The following NXF1 variants were observed in gnomAD, a reference collection of about 807,000 sequenced individuals.
The protein encoded by NXF1 is mRNA export factor TAP.
A neutral mutation model predicts 92.4 loss-of-function variants in NXF1; 43 were observed. The observed-to-expected ratio is 0.47, with a 90% CI of 0.36 to 0.60. The LOEUF is 0.60. NXF1 is among the 20% of genes least tolerant of loss of function. The pLI is 0.00. For synonymous variants in NXF1, 288 were observed against 292.2 expected, an observed-to-expected ratio of 0.99 and a Z score of 0.15; for missense variants, 576 against 793.0, an observed-to-expected ratio of 0.73 and a Z score of 3.29.
chr11:62,795,003 G>C lies in NXF1; in HGVS notation c.1509C>G (p.Asp503Glu), dbSNP rs147145490. ...CTCGCAAAGAATCCCGGGACTTTCC[G>C]TCCACTGCAATAAGAACAGCAACAA... is the stretch of plus-strand genomic sequence containing the variant. ...FSVNGVFKEV[D>E]GKSRDSLRAF... Residue 503 changes from aspartate (D) to glutamate (E), a missense_variant, in exon 18 of 21, where the codon GAC becomes GAG. By Grantham distance (45) the Asp-to-Glu change is conservative. Around this residue, in one of 2 missense-constraint regions of NXF1, gnomAD observed 425 missense variants for 635.2 expected, o/e 0.67. Transcript: ENST00000294172. 6.2e-7 allele frequency: 1 copy of C among 1,613,936 alleles called. No individual in the cohort carries two copies. Among genetic ancestry groups the C allele is most frequent in the Admixed American group, 1.7e-5 (1 of 60,006 alleles).
At position 62,801,830 on chromosome 11, in the gene NXF1, GAC is replaced by G. The variant is rs764511048; in HGVS notation, c.559-13_559-12del. On this transcript the variant is annotated splice_polypyrimidine_tract_variant and intron_variant, in intron 5 of 20. Coordinates refer to ENST00000294172, the MANE Select transcript of NXF1 (RefSeq NM_006362.5). ...GATGATGATAGATATCTGGAGGGAA[GAC>G]ACAGAGGGCACAGAAAACTCTAGGG... The G allele has an allele frequency of 1.9e-6, 3 of 1,611,012 alleles. No individual in the cohort carries two copies. Among genetic ancestry groups the G allele is most frequent in the Non-Finnish European group, 2.5e-6 (3 of 1,177,582 alleles).
At chr11:62,799,609 G>A (rs945922903) in intron 10 of NXF1, 21 of 985,696 alleles carry the variant, frequency 2.1e-5, no homozygotes, top group African/African-American at 1.2e-4. Flanking sequence ...ACAGGGTGAC[G>A]TGCAGTGTGT....
At chr11:62,795,270 G>C (rs1565197735) in intron 17 of NXF1, 4 of 381,574 alleles carry the variant, frequency 1.0e-5, no homozygotes, top group Non-Finnish European at 1.9e-5. Context: ...GAGGTCAAGA[G>C]ATCGAGACCA....
Position 62,794,368 on chromosome 11 carries a change from C to A in NXF1, c.1650G>T (p.Met550Ile), listed in dbSNP as rs765185841. 6 of 1,614,160 alleles carry A rather than the reference C, an allele frequency of 3.7e-6. No homozygotes were observed. The highest frequency in any genetic ancestry group is 1.7e-5 in the Admixed American group (1 of 59,990). ...SSEEIQRAFA[M>I]PAPTPSSSPV... ...GGCTGGAGGAAGGCGTGGGTGCAGG[C>A]ATAGCGAAGGCTCTTTGGATCTCTT... Residue 550 changes from methionine to isoleucine, a missense_variant, in exon 19 of 21, where the codon ATG (methionine) becomes ATT (isoleucine). By Grantham distance (10) the Met-to-Ile change is conservative (BLOSUM62 1). Coordinates refer to ENST00000294172, the MANE Select transcript of NXF1 (RefSeq NM_006362.5).
At chr11:62,800,611 T>C in intron 9 of NXF1, 125 bp from the exon 10 acceptor site, 1 of 633,704 alleles carries the variant, frequency 1.6e-6, no homozygotes. Flanking sequence ...TTTTCTTTTT[T>C]TTTTTTTTTT....
intron 1 of NXF1, 130 bp downstream of exon 1, chr11:62,805,199 G>GC (rs1565203081): frequency 8.8e-6 from 7 of 794,418 alleles, no homozygotes; most frequent in Non-Finnish European, 1.2e-5. Flanking sequence ...CGAGTGCCCG[G>GC]CCCCCCGCGC....
chr11:62,801,814 A>G lies in NXF1; in HGVS notation c.564T>C (p.Ser188=). The part of the protein sequence containing the change: ...KILDRENRRI[S]IIINSSAPPH... ...GTGGAGCAGAAGAGTTGATGATGAT[A>G]GATATCTGGAGGGAAGACACAGAGG... Residue 188 remains serine (S), a synonymous_variant, in exon 6 of 21, where the codon TCT becomes TCC. Transcript: ENST00000294172. The G allele has an allele frequency of 6.2e-7, 1 of 1,613,412 alleles. No homozygotes were observed. Among genetic ancestry groups the G allele is most frequent in the Non-Finnish European group, 8.5e-7 (1 of 1,179,460 alleles).
At position 62,804,882 on chromosome 11, in the gene NXF1, T is replaced by A. The variant is rs1320094616; in HGVS notation, c.28+447A>T. Among the ~76,000 whole-genome samples, 4 of 152,092 alleles carry A rather than the reference T, an allele frequency of 2.6e-5. No homozygotes were observed. The South Asian group carries it at 8.3e-4, about 32-fold the overall frequency. ...CTTACTACAAAGAACTAACACCCAG[T>A]GTAGTGTTCAGACTAGAATATCCAG... On this transcript the variant is annotated intron_variant, in intron 1 of 20. Transcript: ENST00000294172.
At chr11:62,805,271 C>T (rs2084524338) in intron 1 of NXF1, 58 bp downstream of exon 1, 21 of 1,563,826 alleles carry the variant, frequency 1.3e-5, no homozygotes, top group Non-Finnish European at 1.8e-5. Flanking sequence ...AGGCCTAGGC[C>T]GGCGCCGCCC....
intron 5 of NXF1, 47 bp from the exon 6 acceptor site, chr11:62,801,866 G>A (rs903549585): frequency 1.9e-6 from 3 of 1,604,926 alleles, no homozygotes; most frequent in Non-Finnish European, 2.6e-6. Flanking sequence ...GGAAGCCTAA[G>A]CCGCAAGAAC....
chr11:62,794,794 G>T, intron 18 of NXF1, 141 bp downstream of exon 18: 1 of 732,134 alleles, frequency 1.4e-6, no homozygotes, highest in Non-Finnish European at 2.3e-6. Context: ...GCTATTAACT[G>T]GCTCTTAACT....
At chr11:62,795,869 C>A in intron 17 of NXF1, 32 bp downstream of exon 17, 1 of 1,604,858 alleles carries the variant, frequency 6.2e-7, no homozygotes, top group East Asian at 2.2e-5. Context: ...GGTGGGACCA[C>A]GCTACAAACT....
intron 1 of NXF1, 131 bp downstream of exon 1, chr11:62,805,198 G>A: frequency 1.3e-6 from 1 of 791,806 alleles, no homozygotes; most frequent in South Asian, 4.0e-5. Context: ...TCGAGTGCCC[G>A]GCCCCCCGCG....
rs1185590508 is a variant in NXF1 at position 62,801,573 on chromosome 11, C to T, written c.698G>A (p.Arg233His). The change falls in exon 7 of 21, where the codon CGT becomes CAT. Residue 233 changes from arginine to histidine, a missense_variant. Around this residue, in one of 2 missense-constraint regions of NXF1, gnomAD observed 425 missense variants for 635.2 expected, o/e 0.67. Transcript: ENST00000294172. Reference sequence around the variant, plus strand: ...GCTGTCAACCATACCTGGGTCTGAACGGAGGCCTTTGAGGTCAAGGGCTTG... The same window carrying T: ...GCTGTCAACCATACCTGGGTCTGAATGGAGGCCTTTGAGGTCAAGGGCTTG... ...SQQALDLKGL[R>H]SDPDLVAQNI... 2 of 1,614,092 alleles carry T rather than the reference C, an allele frequency of 1.2e-6. No homozygotes were observed. Among genetic ancestry groups the T allele is most frequent in the South Asian group, 1.1e-5 (1 of 91,070 alleles).
chr11:62,805,272 G>A (rs1420072034), intron 1 of NXF1, 57 bp downstream of exon 1: 9 of 1,566,462 alleles, frequency 5.7e-6, no homozygotes, highest in African/African-American at 1.4e-5. Context: ...GGCCTAGGCC[G>A]GCGCCGCCCA....
Position 62,799,733 on chromosome 11 carries a change from G to A in NXF1, c.1016+644C>T, listed in dbSNP as rs577595642. On this transcript the variant is annotated intron_variant, in intron 10 of 20. Coordinates refer to ENST00000294172, the MANE Select transcript of NXF1 (RefSeq NM_006362.5). ...CCTTGGGATTCCCTCGCCTGCTGGC[G>A]GGGCCCCAGCTCTGGTCACATCTTG... is the stretch of plus-strand genomic sequence containing the variant. The A allele has an allele frequency of 3.3e-4, 327 of 985,946 alleles. 1 individual carries two copies. Among genetic ancestry groups the A allele is most frequent in the Middle Eastern group, 1.0e-3 (2 of 1,942 alleles). 61.1% of individuals were successfully genotyped at this position (985,946 alleles called of 1,614,324 possible). A position where few individuals can be genotyped will look rare whatever the true frequency, so the allele number is the denominator to read the frequency against.
In NXF1 at chr11:62,800,362, C is replaced by G. The variant is rs2084465781; in HGVS notation, c.1016+15G>C. ...GTGAAGGTCCCCAGGAGGGGAGACA[C>G]AGGCTACAACTGACCTGATGTAGGT... is the stretch of plus-strand genomic sequence containing the variant. On this transcript the variant is annotated intron_variant, in intron 10 of 20. Coordinates refer to ENST00000294172, the MANE Select transcript of NXF1 (RefSeq NM_006362.5). 1 of 1,613,892 alleles carries G rather than the reference C, an allele frequency of 6.2e-7. No individual in the cohort carries two copies. The highest frequency in any genetic ancestry group is 1.3e-5 in the African/African-American group (1 of 74,916).
intron 17 of NXF1, 115 bp downstream of exon 17, chr11:62,795,786 G>A (rs1313355647): frequency 9.9e-7 from 1 of 1,006,196 alleles, no homozygotes; most frequent in African/African-American, 1.6e-5. Flanking sequence ...CAGAATGGGA[G>A]AAGGAGCTCA....
Position 62,796,174 on chromosome 11 carries a change from C to T in NXF1, c.1353G>A (p.Arg451=), listed in dbSNP as rs775996249. 4 of 1,614,182 alleles carry T rather than the reference C, an allele frequency of 2.5e-6. No individual in the cohort carries two copies. The Admixed American group carries it at 6.7e-5, about 27-fold the overall frequency. The change falls in exon 16 of 21, where the codon CGG becomes CGA. Residue 451 remains arginine (R), a synonymous_variant. Coordinates refer to ENST00000294172, the MANE Select transcript of NXF1 (RefSeq NM_006362.5). Reference sequence around the variant, plus strand: ...GACGCGTGTGCTTCAGCAGCCGGAACCGCAAGGCTGTGGGTAGAGGAGAAA... The same window carrying T: ...GACGCGTGTGCTTCAGCAGCCGGAATCGCAAGGCTGTGGGTAGAGGAGAAA... ...NVKKLKDPTL[R]FRLLKHTRLN...
Sources: gnomAD v4.1 joint callset for allele counts (sites outside exome capture counted in the v4.1 genomes callset) on GRCh38, gnomAD v4.1.1 for gene constraint, gnomAD v4.1.1 regional missense constraint, MANE v1.5 for transcripts, NCBI Gene and HGNC (gene_info 2026-07-23, HGNC 2026-07-21) for gene names.